Variants in RBFOX1 observed in about 807,000 individuals in gnomAD.
RBFOX1 encodes RNA binding protein fox-1 homolog 1.
Under a neutral mutation model 57.7 loss-of-function variants are expected in RBFOX1, and 8 were observed. The observed-to-expected ratio is 0.14, with a 90% confidence interval of 0.08 to 0.25. The LOEUF is 0.25. Among genes scored for constraint, RBFOX1 ranks in the 10% least tolerant of loss-of-function variants. The probability of loss-of-function intolerance (pLI) is 1.00; values close to 1 mark genes in which losing one functional copy is unlikely to be tolerated. For missense variants in RBFOX1, 611 were observed against 548.5 expected, an observed-to-expected ratio of 1.11 and a Z score of -1.14; for synonymous variants, 326 against 222.4, an observed-to-expected ratio of 1.47 and a Z score of -4.15.
chr16:6,517,341 C>T (rs78890616), intron 2 of RBFOX1, among the ~76,000 whole-genome samples: 4 of 152,244 alleles, frequency 2.6e-5, no homozygotes, highest in East Asian at 1.9e-4. Context: ...CATCCTGATC[C>T]GAATACATCT....
chr16:6,541,093 T>G (rs1350864178), intron 2 of RBFOX1, among the ~76,000 whole-genome samples: 1 of 152,140 alleles, frequency 6.6e-6, no homozygotes, highest in Non-Finnish European at 1.5e-5. Flanking sequence ...TATTTCCAAG[T>G]AAAAGAAACC....
intron 4 of RBFOX1, among the ~76,000 whole-genome samples, chr16:7,398,529 C>T (rs2098180423): frequency 6.6e-6 from 1 of 152,228 alleles, no homozygotes; most frequent in East Asian, 1.9e-4. Flanking sequence ...CAGAACAGAT[C>T]TTGCAAATTC....
At chr16:6,142,309 C>T (rs990053446) in intron 1 of RBFOX1, among the ~76,000 whole-genome samples, 6 of 150,112 alleles carry the variant, frequency 4.0e-5, no homozygotes, top group South Asian at 2.1e-4. Flanking sequence ...GCAAGCTCCA[C>T]CTCCTGAGTT....
intron 4 of RBFOX1, among the ~76,000 whole-genome samples, chr16:7,083,209 C>A (rs557503130): frequency 3.3e-5 from 5 of 152,140 alleles, no homozygotes; most frequent in Admixed American, 3.3e-4. Flanking sequence ...ATGTTCCATT[C>A]CGTCTGTTTA....
At position 5,908,066 on chromosome 16, in the gene RBFOX1, G is replaced by A. The variant is rs943242742; in HGVS notation, c.351+40731G>A. ...GCACCTGGTAGATGTATGTATGTGT[G>A]TATGTATATATATATATATACACAT... is the stretch of plus-strand genomic sequence containing the variant. On this transcript the variant is annotated intron_variant, in intron 4 of 19. Transcript: ENST00000641259. 1.3e-4 allele frequency among the ~76,000 whole-genome samples: 13 copies of A among 97,800 alleles called. 1 individual carries two copies. Among genetic ancestry groups the A allele is most frequent in the Middle Eastern group, 6.7e-3 (1 of 150 alleles). The allele number at this position is 97,800 out of a possible 152,430, so 64.2% of individuals were successfully genotyped here.
At position 6,656,580 on chromosome 16, in the gene RBFOX1, C is replaced by G. The variant is rs545712012; in HGVS notation, c.-16+1930C>G. ...CTGTGCATATGTGATTTCAGCTCTT[C>G]TCAAGAAAGGGGAAAATAGACACAC... On this transcript the variant is annotated intron_variant, in intron 3 of 15. Coordinates refer to ENST00000550418, the MANE Select transcript of RBFOX1 (RefSeq NM_018723.4). Among the ~76,000 whole-genome samples, 3 of 144,248 alleles carry G rather than the reference C, an allele frequency of 2.1e-5. No individual in the cohort carries two copies. The East Asian group carries it at 6.0e-4, about 29-fold the overall frequency. The allele number at this position is 144,248 out of a possible 152,430, so 94.6% of individuals were successfully genotyped here.
At chr16:6,275,692 A>T (rs945222216) in intron 1 of RBFOX1, among the ~76,000 whole-genome samples, 1 of 152,172 alleles carries the variant, frequency 6.6e-6, no homozygotes, top group Non-Finnish European at 1.5e-5. Flanking sequence ...ACCTATTTTT[A>T]AAAAACACTA....
chr16:6,932,832 G>A (rs2076780549), intron 3 of RBFOX1, among the ~76,000 whole-genome samples: 1 of 152,182 alleles, frequency 6.6e-6, no homozygotes, highest in Admixed American at 6.5e-5. Flanking sequence ...CATGGCCACT[G>A]TACATCTCTA....
chr16:6,311,503 A>T (rs137931253), intron 1 of RBFOX1, among the ~76,000 whole-genome samples: 1 of 152,260 alleles, frequency 6.6e-6, no homozygotes, highest in African/African-American at 2.4e-5. Context: ...AGGATATTCC[A>T]TGCTGTCCTC....
chr16:6,070,304 T>A (rs764461590), intron 1 of RBFOX1, among the ~76,000 whole-genome samples: 1 of 152,228 alleles, frequency 6.6e-6, no homozygotes. Flanking sequence ...TCATGGGAGT[T>A]AATAATTAGG....
intron 2 of RBFOX1, among the ~76,000 whole-genome samples, chr16:6,499,712 CCT>C (rs902665155): frequency 1.3e-5 from 2 of 151,856 alleles, no homozygotes; most frequent in African/African-American, 4.8e-5. Context: ...TGGTTTTCCC[CCT>C]GATTTATTGT....
intron 3 of RBFOX1, among the ~76,000 whole-genome samples, chr16:5,823,330 C>A (rs191153443): frequency 6.6e-6 from 1 of 152,118 alleles, no homozygotes; most frequent in Non-Finnish European, 1.5e-5. Flanking sequence ...TACCAGATGG[C>A]AAGTACATAA....
At chr16:7,181,644 C>G (rs930497365) in intron 4 of RBFOX1, among the ~76,000 whole-genome samples, 1 of 152,020 alleles carries the variant, frequency 6.6e-6, no homozygotes, top group Non-Finnish European at 1.5e-5. Context: ...CTCACTGCAA[C>G]CTCTGCCTCC....
At chr16:7,234,860 G>A (rs187238567) in intron 4 of RBFOX1, among the ~76,000 whole-genome samples, 63 of 152,102 alleles carry the variant, frequency 4.1e-4, no homozygotes, top group African/African-American at 1.4e-3. Flanking sequence ...AGCATTTAAT[G>A]GATAACAATT....
chr16:5,796,654 G>C (rs1229007910), intron 3 of RBFOX1, among the ~76,000 whole-genome samples: 1 of 152,134 alleles, frequency 6.6e-6, no homozygotes, highest in Non-Finnish European at 1.5e-5. Flanking sequence ...CTGTTTACTT[G>C]TCAATGCCCA....
At chr16:6,608,605 A>G (rs2097984100) in intron 2 of RBFOX1, among the ~76,000 whole-genome samples, 1 of 152,166 alleles carries the variant, frequency 6.6e-6, no homozygotes, top group Non-Finnish European at 1.5e-5. Flanking sequence ...CTTGGGCAAC[A>G]TGGCAAGACC....
intron 4 of RBFOX1, among the ~76,000 whole-genome samples, chr16:6,012,477 C>G (rs762757575): frequency 2.8e-4 from 43 of 152,304 alleles, no homozygotes; most frequent in African/African-American, 1.0e-3. Flanking sequence ...AGTACTGGCA[C>G]TTAATGGGTA....
At chr16:5,730,830 A>G (rs1055090473) in intron 3 of RBFOX1, among the ~76,000 whole-genome samples, 4 of 152,060 alleles carry the variant, frequency 2.6e-5, no homozygotes, top group African/African-American at 9.7e-5. Flanking sequence ...TGTCACCACC[A>G]TTATCATCAT....
chr16:6,881,577 C>T (rs1340943340), intron 3 of RBFOX1, among the ~76,000 whole-genome samples: 1 of 152,182 alleles, frequency 6.6e-6, no homozygotes, highest in African/African-American at 2.4e-5. Flanking sequence ...GTAAACACTC[C>T]AGTCATACTG....
Sources: gnomAD v4.1 joint callset for allele counts (sites outside exome capture counted in the v4.1 genomes callset) on GRCh38, gnomAD v4.1.1 for gene constraint, MANE v1.5 for transcripts, NCBI Gene and HGNC (gene_info 2026-07-23, HGNC 2026-07-21) for gene names.